The following NOL8 variants were observed in gnomAD, a reference collection of about 807,000 sequenced individuals.
The protein encoded by NOL8 is nucleolar protein 8.
In NOL8, 93 loss-of-function variants were observed where a neutral mutation model predicts 116.1. The ratio of observed to expected loss-of-function variants is 0.80; its 90% CI spans 0.68 to 0.95. The LOEUF (loss-of-function observed/expected upper bound fraction) is 0.95. Among genes scored for constraint, NOL8 ranks in the 40% least tolerant of loss-of-function variants. The probability of loss-of-function intolerance (pLI) is 0.00; values close to 1 mark genes in which losing one functional copy is unlikely to be tolerated. For missense variants in NOL8, 1,291 were observed against 1,382.8 expected (o/e 0.93, Z 1.05); for synonymous variants, 419 against 469.0 (o/e 0.89, Z 1.38).
intron 7 of NOL8, among the ~76,000 whole-genome samples, 182 bp downstream of exon 7, chr9:92,314,085 A>T (rs763215659): frequency 1.3e-5 from 2 of 152,236 alleles, no homozygotes; most frequent in African/African-American, 2.4e-5. Flanking sequence ...TAGCTTCTAA[A>T]TGAAAGAAAA....
At chr9:92,312,808 CA>C (rs1838946209) in intron 7 of NOL8, among the ~76,000 whole-genome samples, 1 of 85,104 alleles carries the variant, frequency 1.2e-5, no homozygotes, top group Non-Finnish European at 2.2e-5. Context: ...GCCTGGGCAA[CA>C]AGAGCAAAAC....
intron 4 of NOL8, chr9:92,319,957 A>G (rs1451485097): frequency 4.7e-6 from 2 of 422,440 alleles, no homozygotes; most frequent in Non-Finnish European, 9.5e-6. Flanking sequence ...GCTCTGCTCC[A>G]GTGGATGTCC....
intron 10 of NOL8, among the ~76,000 whole-genome samples, chr9:92,308,653 A>C (rs1838494397): frequency 6.6e-6 from 1 of 152,224 alleles, no homozygotes; most frequent in African/African-American, 2.4e-5. Flanking sequence ...CCATATTTGG[A>C]GGCAAAAGAA....
chr9:92,310,625 G>A lies in NOL8; in HGVS notation c.2523C>T (p.Asp841=), dbSNP rs15717. The A allele has an allele frequency of 2.0e-5, 32 of 1,612,452 alleles. No homozygotes were observed. Among genetic ancestry groups the A allele is most frequent in the Admixed American group, 8.4e-5 (5 of 59,804 alleles). ...SGKLFDSSDD[D]ESDSEDDSNR... ...TACTGTCATCTTCAGAATCAGATTC[G>A]TCATCATCACTGCTATCAAACAGCT... Residue 841 remains aspartate, a synonymous_variant, in exon 9 of 17, where the codon GAC becomes GAT. Coordinates refer to ENST00000442668, the MANE Select transcript of NOL8 (RefSeq NM_017948.6).
At chr9:92,306,771 C>G in intron 11 of NOL8, 115 bp downstream of exon 11, 3 of 882,980 alleles carry the variant, frequency 3.4e-6, no homozygotes, top group Admixed American at 4.6e-5. Flanking sequence ...GGGTCTGATA[C>G]ATATTGCCAG....
At chr9:92,311,043 CA>C in intron 8 of NOL8, 102 bp downstream of exon 8, 1 of 890,698 alleles carries the variant, frequency 1.1e-6, no homozygotes. Context: ...CCCTGGGTCT[CA>C]TTGGGGCTCT....
intron 14 of NOL8, 74 bp downstream of exon 14, chr9:92,299,816 A>G: frequency 6.7e-7 from 1 of 1,494,694 alleles, no homozygotes; most frequent in Non-Finnish European, 9.1e-7. Context: ...AGAGAAGCTA[A>G]AATATTTCTA....
intron 15 of NOL8, 184 bp from the exon 16 acceptor site, chr9:92,298,520 GT>G: frequency 1.9e-6 from 1 of 537,958 alleles, no homozygotes; most frequent in African/African-American, 2.0e-5. Context: ...TGCTTTTACT[GT>G]TTATATATAT....
In NOL8 at chr9:92,314,648, C is replaced by T; in HGVS notation, c.1977G>A (p.Val659=). Reference sequence around the variant, plus strand: ...TTCTCTTTTCAGAACTGCTAGGGGACACTGCCTTGCGATCCTGGCTTTCAA... The same window carrying T: ...TTCTCTTTTCAGAACTGCTAGGGGATACTGCCTTGCGATCCTGGCTTTCAA... ...TTFESQDRKA[V]SPSSSEKRSK... The change falls in exon 7 of 17, where the codon GTG becomes GTA. Residue 659 remains valine, a synonymous_variant. Transcript: ENST00000442668. 2 of 1,613,562 alleles carry T rather than the reference C, an allele frequency of 1.2e-6. No individual in the cohort carries two copies.
intron 10 of NOL8, among the ~76,000 whole-genome samples, chr9:92,309,402 A>C (rs897801573): frequency 2.6e-5 from 4 of 152,190 alleles, no homozygotes; most frequent in African/African-American, 9.7e-5. Flanking sequence ...AAAAAGGAAG[A>C]AGCTAGAAGG....
chr9:92,315,910 G>A lies in NOL8; in HGVS notation c.715C>T (p.Pro239Ser). 6.2e-7 allele frequency: 1 copy of A among 1,613,788 alleles called. No homozygotes were observed. Among genetic ancestry groups the A allele is most frequent in the Middle Eastern group, 1.7e-4 (1 of 5,978 alleles). Residue 239 changes from proline to serine, a missense_variant, in exon 7 of 17, where the codon CCC becomes TCC. By Grantham distance (74) the Pro-to-Ser change is moderately conservative (BLOSUM62 -1). Coordinates refer to ENST00000442668, the MANE Select transcript of NOL8 (RefSeq NM_017948.6). Reference sequence around the variant, plus strand: ...GGTGGTCTCTCTATTACCCTCCTGGGCCTTGTACTCATGGCCAGAGACCCA... The same window carrying A: ...GGTGGTCTCTCTATTACCCTCCTGGACCTTGTACTCATGGCCAGAGACCCA... ...STGSLAMSTR[P>S]RRVIERPPLT...
intron 6 of NOL8, 59 bp downstream of exon 6, chr9:92,318,559 G>C: frequency 8.4e-7 from 1 of 1,186,210 alleles, no homozygotes; most frequent in Non-Finnish European, 1.2e-6. Flanking sequence ...AAATGCTAAA[G>C]GTATTTTACA....
At chr9:92,319,098 G>A (rs1588000993) in intron 5 of NOL8, 123 bp downstream of exon 5, 1 of 1,053,952 alleles carries the variant, frequency 9.5e-7, no homozygotes. Context: ...TCCTATCTAT[G>A]TTAATTGCCT....
chr9:92,304,432 T>C (rs1464808298), intron 12 of NOL8, among the ~76,000 whole-genome samples: 1 of 152,202 alleles, frequency 6.6e-6, no homozygotes, highest in African/African-American at 2.4e-5. Flanking sequence ...GGTACTGTAC[T>C]CAAGGAATAA....
At chr9:92,298,378 A>G in intron 15 of NOL8, 42 bp from the exon 16 acceptor site, 1 of 1,270,024 alleles carries the variant, frequency 7.9e-7, no homozygotes, top group Non-Finnish European at 1.1e-6. Flanking sequence ...GCAAACTACT[A>G]CTAAAATTGG....
Position 92,310,156 on chromosome 9 carries a change from C to CA in NOL8, c.2686+14dup, listed in dbSNP as rs1450780689. The CA allele has an allele frequency of 6.3e-7, 1 of 1,579,112 alleles. No homozygotes were observed. Among genetic ancestry groups the CA allele is most frequent in the South Asian group, 1.1e-5 (1 of 87,072 alleles). On this transcript the variant is annotated intron_variant, in intron 10 of 16. Transcript: ENST00000442668. ...CCAGATATGACATCAGGACTCTGGA[C>CA]AATGAAGCATTTACCTTCCTGTTCC...
At chr9:92,314,181 T>A in intron 7 of NOL8, 86 bp downstream of exon 7, 1 of 1,462,282 alleles carries the variant, frequency 6.8e-7, no homozygotes, top group Admixed American at 2.5e-5. Context: ...GACAATCAGC[T>A]CTATGGGGGC....
chr9:92,309,120 CAG>C lies in NOL8; in HGVS notation c.2686+1049_2686+1050del, dbSNP rs1397940294. Reference sequence around the variant, plus strand: ...CATGCCTGTAATCTCAGCACTGAAACAGAATTTGGGAGGACCCTAGAGAATTC... The same window carrying C: ...CATGCCTGTAATCTCAGCACTGAAACAATTTGGGAGGACCCTAGAGAATTC... On this transcript the variant is annotated intron_variant, in intron 10 of 16. Coordinates refer to ENST00000442668, the MANE Select transcript of NOL8 (RefSeq NM_017948.6). Among the ~76,000 whole-genome samples, 4 of 152,266 alleles carry C rather than the reference CAG, an allele frequency of 2.6e-5. No homozygotes were observed. In the East Asian group the frequency reaches 7.7e-4, roughly 29 times the overall value.
intron 13 of NOL8, chr9:92,300,813 C>CT: frequency 1.0e-6 from 1 of 955,184 alleles, no homozygotes; most frequent in Admixed American, 5.0e-5. Flanking sequence ...GACTCTGTCT[C>CT]CAAAAAAAAA....
Sources: allele counts gnomAD v4.1 joint callset (sites outside exome capture counted in the v4.1 genomes callset), GRCh38; gene constraint gnomAD v4.1.1; transcripts MANE v1.5; gene names NCBI Gene and HGNC (gene_info 2026-07-23, HGNC 2026-07-21).